The following ZNF804B variants were observed in gnomAD, a reference collection of about 807,000 sequenced individuals.
ZNF804B encodes zinc finger protein 804B.
Under a neutral mutation model 101.4 loss-of-function variants are expected in ZNF804B, and 80 were observed. That is an observed-to-expected ratio of 0.79 (90% CI 0.66 to 0.95). The LOEUF is 0.95. Among genes scored for constraint, ZNF804B ranks in the 40% least tolerant of loss-of-function variants. The pLI is 0.00. For missense variants in ZNF804B, 1,673 were observed against 1,561.9 expected (o/e 1.07, Z -1.20); for synonymous variants, 622 against 558.8 (o/e 1.11, Z -1.59).
At chr7:89,239,119 G>A (rs1208992109) in intron 2 of ZNF804B, among the ~76,000 whole-genome samples, 1 of 152,076 alleles carries the variant, frequency 6.6e-6, no homozygotes, top group African/African-American at 2.4e-5. Flanking sequence ...AGTTCAGGGA[G>A]CCCTAGAGGC....
In ZNF804B at chr7:89,337,116, T is replaced by A; in HGVS notation, c.*84T>A. On this transcript the variant is annotated 3_prime_UTR_variant, in exon 4 of 4. Coordinates refer to ENST00000333190, the MANE Select transcript of ZNF804B (RefSeq NM_181646.5). ...TACATTTAAAGAAGTCTGTCAATTA[T>A]AAGATTTAAAATATTGCTGCCAATT... 1 of 1,343,732 alleles carries A rather than the reference T, an allele frequency of 7.4e-7. No homozygotes were observed. The highest frequency in any genetic ancestry group is 1.0e-6 in the Non-Finnish European group (1 of 997,232). The allele number at this position is 1,343,732 out of a possible 1,614,324, so 83.2% of individuals were successfully genotyped here.
chr7:89,086,488 G>T (rs1329840454), intron 1 of ZNF804B, among the ~76,000 whole-genome samples: 1 of 151,868 alleles, frequency 6.6e-6, no homozygotes, highest in Non-Finnish European at 1.5e-5. Flanking sequence ...ATGCAGTCAA[G>T]GTGTCTGGTT....
At chr7:88,770,233 G>A (rs1790042482) in intron 1 of ZNF804B, among the ~76,000 whole-genome samples, 1 of 152,072 alleles carries the variant, frequency 6.6e-6, no homozygotes, top group South Asian at 2.1e-4. Context: ...TGACAAAAGG[G>A]ACTTTCCGGT....
chr7:89,193,371 T>C (rs1788491624), intron 1 of ZNF804B, among the ~76,000 whole-genome samples: 1 of 151,690 alleles, frequency 6.6e-6, no homozygotes, highest in Admixed American at 6.6e-5. Context: ...TGCAGGTTAG[T>C]TACACATGTA....
chr7:88,808,259 G>C (rs1351921103), intron 1 of ZNF804B, among the ~76,000 whole-genome samples: 4 of 151,874 alleles, frequency 2.6e-5, no homozygotes, highest in African/African-American at 4.8e-5. Flanking sequence ...GCATGCGCCT[G>C]TAATCCCAGC....
chr7:89,319,012 A>G (rs1790773903), intron 2 of ZNF804B, among the ~76,000 whole-genome samples: 1 of 152,232 alleles, frequency 6.6e-6, no homozygotes, highest in African/African-American at 2.4e-5. Context: ...TAATTGAAGC[A>G]GGAACACGCC....
chr7:88,897,629 A>T (rs1792310367), intron 1 of ZNF804B, among the ~76,000 whole-genome samples: 1 of 152,194 alleles, frequency 6.6e-6, no homozygotes, highest in Non-Finnish European at 1.5e-5. Context: ...CTCAATTTAC[A>T]GATAAAGAAT....
intron 1 of ZNF804B, among the ~76,000 whole-genome samples, chr7:88,918,803 A>G (rs1792675501): frequency 6.6e-6 from 1 of 152,120 alleles, no homozygotes; most frequent in Admixed American, 6.6e-5. Flanking sequence ...TCCTGATTCT[A>G]TAATAAAATG....
At position 89,287,712 on chromosome 7, in the gene ZNF804B, T is replaced by C. The variant is rs552207142; in HGVS notation, c.250-39632T>C. On this transcript the variant is annotated intron_variant, in intron 2 of 3. Coordinates refer to ENST00000333190, the MANE Select transcript of ZNF804B (RefSeq NM_181646.5). ...TCAGACTAGGAGGCTGAGAAATGAG[T>C]AAAAGTTACACAATGCTGAGGAGAC... Among the ~76,000 whole-genome samples, 4 of 151,844 alleles carry C rather than the reference T, an allele frequency of 2.6e-5. No homozygotes were observed. In the South Asian group the frequency reaches 8.3e-4, roughly 32 times the overall value.
intron 1 of ZNF804B, among the ~76,000 whole-genome samples, chr7:89,201,106 TA>T (rs1275730845): frequency 1.3e-5 from 2 of 152,058 alleles, no homozygotes; most frequent in African/African-American, 4.8e-5. Flanking sequence ...CAATGAAAGT[TA>T]TTTTTTTCAT....
intron 1 of ZNF804B, among the ~76,000 whole-genome samples, chr7:88,913,711 T>A (rs1792587372): frequency 6.6e-6 from 1 of 152,204 alleles, no homozygotes; most frequent in African/African-American, 2.4e-5. Context: ...CTGGTGTATT[T>A]TTAAGCATCA....
At chr7:88,871,401 A>T (rs951739303) in intron 1 of ZNF804B, among the ~76,000 whole-genome samples, 1 of 151,548 alleles carries the variant, frequency 6.6e-6, no homozygotes, top group African/African-American at 2.4e-5. Context: ...TACCCCAGTA[A>T]AAAAAAAGGC....
intron 1 of ZNF804B, among the ~76,000 whole-genome samples, chr7:89,141,179 C>T (rs183765033): frequency 1.3e-5 from 2 of 152,084 alleles, no homozygotes; most frequent in East Asian, 3.9e-4. Flanking sequence ...AAAACAATTA[C>T]AATAGTAACA....
In ZNF804B at chr7:88,934,859, C is replaced by T. The variant is rs115886269; in HGVS notation, c.108+174775C>T. Among the ~76,000 whole-genome samples the T allele has an allele frequency of 8.4e-3, 1,273 of 151,942 alleles. 16 individuals carry two copies. Among genetic ancestry groups the T allele is most frequent in the African/African-American group, 0.029 (1,210 of 41,464 alleles). ...CTAAACGTAGAACTACCATTCAATC[C>T]AGCGATCCCACTACTGGGTATCTAC... On this transcript the variant is annotated intron_variant, in intron 1 of 3. Coordinates refer to ENST00000333190, the MANE Select transcript of ZNF804B (RefSeq NM_181646.5).
At chr7:89,298,965 T>C (rs1790435219) in intron 2 of ZNF804B, among the ~76,000 whole-genome samples, 1 of 151,978 alleles carries the variant, frequency 6.6e-6, no homozygotes, top group Admixed American at 6.6e-5. Flanking sequence ...GAGTGACTAA[T>C]AAAGTGAATT....
intron 1 of ZNF804B, among the ~76,000 whole-genome samples, chr7:88,976,992 A>G (rs1253691404): frequency 1.3e-5 from 2 of 151,802 alleles, no homozygotes; most frequent in Admixed American, 1.3e-4. Context: ...TGAAATGATC[A>G]TATGGTTTTT....
chr7:88,770,679 A>G (rs532883671), intron 1 of ZNF804B, among the ~76,000 whole-genome samples: 12 of 152,232 alleles, frequency 7.9e-5, no homozygotes, highest in Non-Finnish European at 1.5e-4. Context: ...AATTAATGCC[A>G]GTCTCCTGTC....
intron 1 of ZNF804B, among the ~76,000 whole-genome samples, chr7:89,119,239 AT>A (rs1262940427): frequency 6.6e-6 from 1 of 152,220 alleles, no homozygotes; most frequent in African/African-American, 2.4e-5. Context: ...ATTAAAAATT[AT>A]TGATGGCTTA....
At chr7:89,103,048 GT>G (rs56693128) in intron 1 of ZNF804B, among the ~76,000 whole-genome samples, 43 of 33,746 alleles carry the variant, frequency 1.3e-3, no homozygotes, top group East Asian at 6.1e-3. Context: ...CTATGTGTCT[GT>G]TTTTTTTTTT....
Sources: gnomAD v4.1 joint callset for allele counts (sites outside exome capture counted in the v4.1 genomes callset) on GRCh38, gnomAD v4.1.1 for gene constraint, MANE v1.5 for transcripts, NCBI Gene and HGNC (gene_info 2026-07-23, HGNC 2026-07-21) for gene names.